The following CYP4V2 variants were observed in gnomAD, a reference collection of about 807,000 sequenced individuals.
CYP4V2 encodes the protein cytochrome P450 family 4 subfamily V member 2.
In CYP4V2, 55 loss-of-function variants were observed where a neutral mutation model predicts 60.8. That is an observed-to-expected ratio of 0.90 (90% CI 0.73 to 1.13). CYP4V2 has a LOEUF of 1.13. CYP4V2 is among the 50% of genes most tolerant of loss of function. The pLI is 0.00. For synonymous variants in CYP4V2, 239 were observed against 236.8 expected (o/e 1.01, Z -0.08); for missense variants, 675 against 662.9 (o/e 1.02, Z -0.20).
intron 7 of CYP4V2, chr4:186,204,562 C>G (rs1381639209): frequency 1.1e-5 from 2 of 185,632 alleles, no homozygotes; most frequent in Admixed American, 5.4e-5. Flanking sequence ...GTTTCTGCCT[C>G]TGTTTCCCAC....
Position 186,191,979 on chromosome 4 carries a change from G to C in CYP4V2, c.156G>C (p.Thr52=). The C allele has an allele frequency of 6.3e-7, 1 of 1,585,188 alleles. No individual in the cohort carries two copies. The highest frequency in any genetic ancestry group is 8.5e-7 in the Non-Finnish European group (1 of 1,170,112). Residue 52 remains threonine, a synonymous_variant, in exon 1 of 11, where the codon ACG becomes ACC. Transcript: ENST00000378802. The stretch of plus-strand genomic sequence containing the variant: ...GGCAGCAGATGCGGCCCATCCCCAC[G>C]GTGGCCCGCGCCTACCCACTGGTGG... ...RKWQQMRPIP[T]VARAYPLVGH...
At position 186,197,585 on chromosome 4, in the gene CYP4V2, T is replaced by C; in HGVS notation, c.657T>C (p.Tyr219=). The C allele has an allele frequency of 1.2e-6, 2 of 1,614,256 alleles. No homozygotes were observed. Among genetic ancestry groups the C allele is most frequent in the Non-Finnish European group, 8.5e-7 (1 of 1,180,038 alleles). ...CTCAAAGTAATGATGATTCCGAGTA[T>C]GTCCGTGCAGTTTATAGGTAAATGG... ...IGAQSNDDSE[Y]VRAVYRMSEM... The change falls in exon 5 of 11, where the codon TAT becomes TAC. Residue 219 remains tyrosine, a synonymous_variant. Coordinates refer to ENST00000378802, the MANE Select transcript of CYP4V2 (RefSeq NM_207352.4).
At position 186,208,991 on chromosome 4, in the gene CYP4V2, G is replaced by A. The variant is rs201644385; in HGVS notation, c.1217G>A (p.Cys406Tyr). The part of the protein sequence containing the change: ...PLFARSVSED[C>Y]EVAGYRVLKG... ...TTTGCCCGTAGTGTTAGTGAAGATT[G>A]TGAAGTGGGTAAGTATGCTATACCT... Residue 406 changes from cysteine to tyrosine, a missense_variant, in exon 9 of 11, where the codon TGT becomes TAT. Coordinates refer to ENST00000378802, the MANE Select transcript of CYP4V2 (RefSeq NM_207352.4). The A allele has an allele frequency of 1.9e-6, 3 of 1,614,186 alleles. No individual in the cohort carries two copies. Among genetic ancestry groups the A allele is most frequent in the African/African-American group, 2.7e-5 (2 of 75,032 alleles).
chr4:186,209,962 T>C (rs888692814), intron 10 of CYP4V2, among the ~76,000 whole-genome samples: 2 of 152,246 alleles, frequency 1.3e-5, no homozygotes, highest in African/African-American at 4.8e-5. Context: ...CTTTTAAGAA[T>C]TTCATTTTGC....
chr4:186,208,649 G>A (rs1474268756), intron 8 of CYP4V2, among the ~76,000 whole-genome samples: 1 of 151,850 alleles, frequency 6.6e-6, no homozygotes, highest in Non-Finnish European at 1.5e-5. Context: ...GGTATTTGAT[G>A]GGTATTTAGC....
rs757183148 is a variant in CYP4V2 at position 186,209,088 on chromosome 4, G to A, written c.1226-5G>A. ...TCTCATAATGTATTGACTACTTCTT[G>A]ACAGCAGGTTACAGAGTTCTAAAAG... On this transcript the variant is annotated splice_polypyrimidine_tract_variant and splice_region_variant and intron_variant, in intron 9 of 10. Transcript: ENST00000378802. 3.7e-6 allele frequency: 6 copies of A among 1,613,942 alleles called. No individual in the cohort carries two copies. The East Asian group carries it at 1.3e-4, about 36-fold the overall frequency.
chr4:186,209,195 G>C lies in CYP4V2; in HGVS notation c.1328G>C (p.Arg443Pro). The C allele has an allele frequency of 1.2e-6, 2 of 1,614,002 alleles. No homozygotes were observed. Among genetic ancestry groups the C allele is most frequent in the South Asian group, 1.1e-5 (1 of 91,068 alleles). Residue 443 changes from arginine to proline, a missense_variant, in exon 10 of 11, where the codon CGG becomes CCG. Transcript: ENST00000378802. Reference protein sequence around the residue: ...FPNPEEFQPERFFPENAQGRH... With the variant: ...FPNPEEFQPEPFFPENAQGRH... ...AACCCCGAGGAGTTCCAGCCTGAGCGGTTCTTCCCCGAGAATGCACAAGGG... is the reference window on the plus strand; with the variant it reads ...AACCCCGAGGAGTTCCAGCCTGAGCCGTTCTTCCCCGAGAATGCACAAGGG...
Position 186,212,899 on chromosome 4 carries a change from G to A in CYP4V2, c.*2258G>A, listed in dbSNP as rs1392226567. 6.6e-6 allele frequency: 1 copy of A among 152,134 alleles called. No individual in the cohort carries two copies. The highest frequency in any genetic ancestry group is 6.5e-5 in the Admixed American group (1 of 15,280). 9.4% of individuals were successfully genotyped at this position (152,134 alleles called of 1,614,324 possible). A position where few individuals can be genotyped will look rare whatever the true frequency, so the allele number is the denominator to read the frequency against. The stretch of plus-strand genomic sequence containing the variant: ...GATGAAGAAAAAGTCAAGGAAGGAG[G>A]TGATACAATTGGAAATATTCCCATC... On this transcript the variant is annotated 3_prime_UTR_variant, in exon 11 of 11. Transcript: ENST00000378802.
intron 6 of CYP4V2, among the ~76,000 whole-genome samples, chr4:186,199,654 A>G (rs1579966374): frequency 6.6e-6 from 1 of 152,230 alleles, no homozygotes; most frequent in Non-Finnish European, 1.5e-5. Flanking sequence ...TCAAAGGCAG[A>G]GGGCATTGAT....
intron 1 of CYP4V2, 80 bp downstream of exon 1, chr4:186,192,117 C>T (rs1349215306): frequency 1.3e-6 from 2 of 1,496,414 alleles, no homozygotes; most frequent in African/African-American, 2.8e-5. Context: ...GAACCCGCTG[C>T]TTGTGGCGCT....
Position 186,196,023 on chromosome 4 carries a change from G to A in CYP4V2, c.348G>A (p.Lys116=), listed in dbSNP as rs778488831. 1.9e-6 allele frequency: 3 copies of A among 1,613,892 alleles called. No individual in the cohort carries two copies. In the Admixed American group the frequency reaches 5.0e-5, roughly 27 times the overall value. ...ENVEVILTSS[K]QIDKSSMYKF... is the part of the protein sequence containing the mutation. ...CTAAGGTAATTTTAACTAGTTCAAA[G>A]CAAATTGACAAATCCTCTATGTACA... Residue 116 remains lysine (K), a synonymous_variant, in exon 3 of 11, where the codon AAG becomes AAA. Coordinates refer to ENST00000378802, the MANE Select transcript of CYP4V2 (RefSeq NM_207352.4).
At chr4:186,209,420 T>C in intron 10 of CYP4V2, 148 bp downstream of exon 10, 1 of 1,018,150 alleles carries the variant, frequency 9.8e-7, no homozygotes, top group Non-Finnish European at 1.5e-6. Flanking sequence ...CTCACTGTGC[T>C]TTGTAGTTTT....
intron 3 of CYP4V2, 109 bp from the exon 4 acceptor site, chr4:186,196,831 A>G (rs2126584601): frequency 8.8e-7 from 1 of 1,134,992 alleles, no homozygotes; most frequent in East Asian, 2.5e-5. Context: ...TTTCAGGAGA[A>G]TTTTGTTGAC....
chr4:186,194,358 A>T, intron 1 of CYP4V2, 142 bp from the exon 2 acceptor site: 3 of 734,964 alleles, frequency 4.1e-6, no homozygotes, highest in Non-Finnish European at 7.1e-6. Context: ...GGCAGTTCAC[A>T]CATGCTCTCT....
chr4:186,194,172 A>G (rs572040908), intron 1 of CYP4V2, among the ~76,000 whole-genome samples: 2 of 152,328 alleles, frequency 1.3e-5, no homozygotes, highest in East Asian at 3.9e-4. Context: ...GCCAGTTTCC[A>G]CCATTTACTA....
rs776042507 is a variant in CYP4V2 at position 186,194,950 on chromosome 4, T to C, written c.327+338T>C. 1.6e-4 allele frequency among the ~76,000 whole-genome samples: 25 copies of C among 152,224 alleles called. 1 individual carries two copies. The highest frequency in any genetic ancestry group is 6.0e-4 in the African/African-American group (25 of 41,460). On this transcript the variant is annotated intron_variant, in intron 2 of 10. Transcript: ENST00000378802. ...ACGCTATTTTAAGACTTCAAAAATATATGACTAATAAAATATGTTTCCCTC... is the reference window on the plus strand; with the variant it reads ...ACGCTATTTTAAGACTTCAAAAATACATGACTAATAAAATATGTTTCCCTC...
chr4:186,210,816 ATTTTCTT>A lies in CYP4V2; in HGVS notation c.*191_*197del, dbSNP rs535520429. The A allele has an allele frequency of 7.6e-4, 588 of 771,328 alleles. No individual in the cohort carries two copies. Among genetic ancestry groups the A allele is most frequent in the Non-Finnish European group, 6.4e-4 (317 of 494,942 alleles). The allele number at this position is 771,328 out of a possible 1,614,324, so 47.8% of individuals were successfully genotyped here. ...ACAAAGAAAAAGTTTTGAGTTTTGT[ATTTTCTT>A]TTTTCTTTTTTCTTTATTTTTTTTT... On this transcript the variant is annotated 3_prime_UTR_variant, in exon 11 of 11. Coordinates refer to ENST00000378802, the MANE Select transcript of CYP4V2 (RefSeq NM_207352.4).
Position 186,201,398 on chromosome 4 carries a change from A to C in CYP4V2, c.987+56A>C, listed in dbSNP as rs905811497. 19 of 1,566,316 alleles carry C rather than the reference A, an allele frequency of 1.2e-5. No individual in the cohort carries two copies. In the African/African-American group the frequency reaches 1.8e-4, roughly 15 times the overall value. ...TAAACAAATTTCAGTTATTGTTAGA[A>C]TCTTTAGCATTATTTTTTAAAACAA... On this transcript the variant is annotated intron_variant, in intron 7 of 10. Coordinates refer to ENST00000378802, the MANE Select transcript of CYP4V2 (RefSeq NM_207352.4).
At chr4:186,210,400 A>G (rs2126603337) in intron 10 of CYP4V2, 69 bp from the exon 11 acceptor site, 1 of 1,604,348 alleles carries the variant, frequency 6.2e-7, no homozygotes. Flanking sequence ...TTCCTATGAC[A>G]GGACCTCTTG....
Sources: allele counts gnomAD v4.1 joint callset (sites outside exome capture counted in the v4.1 genomes callset), GRCh38; gene constraint gnomAD v4.1.1; transcripts MANE v1.5; gene names NCBI Gene and HGNC (gene_info 2026-07-23, HGNC 2026-07-21).